The following ZNF462 variants were observed in gnomAD, a reference collection of about 807,000 sequenced individuals.
ZNF462 encodes the protein zinc finger protein 462, also known as zinc finger PBX1-interacting protein.
A neutral mutation model predicts 201.9 loss-of-function variants in ZNF462; 10 were observed. The observed-to-expected ratio is 0.05, with a 90% confidence interval of 0.03 to 0.08. The LOEUF (loss-of-function observed/expected upper bound fraction) is 0.08. Ranked by LOEUF, ZNF462 falls within the 10% of genes least tolerant of loss-of-function variation. The pLI is 1.00. For synonymous variants in ZNF462, 1,227 were observed against 1,193.3 expected (o/e 1.03, Z -0.58); for missense variants, 2,523 against 3,168.3 (o/e 0.80, Z 4.89).
chr9:106,937,087 T>C (rs908888591), intron 6 of ZNF462, among the ~76,000 whole-genome samples: 1 of 151,950 alleles, frequency 6.6e-6, no homozygotes, highest in East Asian at 1.9e-4. Context: ...TCTAGATAGA[T>C]TATTTTATTT....
chr9:106,900,097 GT>G (rs1828992740), intron 1 of ZNF462, among the ~76,000 whole-genome samples: 1 of 151,582 alleles, frequency 6.6e-6, no homozygotes. Flanking sequence ...ACGATGTTTG[GT>G]TTTCCATTCC....
rs183263970 is a variant in ZNF462 at position 106,890,547 on chromosome 9, C to A, written c.-31+27192C>A. 4.2e-4 allele frequency among the ~76,000 whole-genome samples: 64 copies of A among 152,296 alleles called. No individual in the cohort carries two copies. The highest frequency in any genetic ancestry group is 1.4e-3 in the African/African-American group (59 of 41,570). ...TTGGATGATGTAGTTAGGCTCAACT[C>A]CATTTGTAGTGAGAAACATTTGAAG... On this transcript the variant is annotated intron_variant, in intron 1 of 12. Coordinates refer to ENST00000277225, the MANE Select transcript of ZNF462 (RefSeq NM_021224.6). This position sits in a 1 kb window ranked among gnomAD's most constrained non-coding sequence, Gnocchi z 4.2.
intron 10 of ZNF462, among the ~76,000 whole-genome samples, chr9:106,985,100 G>A (rs906956064): frequency 1.2e-4 from 18 of 152,130 alleles, no homozygotes; most frequent in African/African-American, 4.3e-4. Flanking sequence ...GACAAAAAAA[G>A]AAAGAAAGCA....
intron 10 of ZNF462, among the ~76,000 whole-genome samples, chr9:106,994,152 G>A (rs1229696197): frequency 6.6e-6 from 1 of 151,980 alleles, no homozygotes; most frequent in Non-Finnish European, 1.5e-5. Flanking sequence ...GTCTATTCAG[G>A]CAATACACAT....
rs559147135 is a variant in ZNF462 at position 106,905,471 on chromosome 9, G to A, written c.-30-17883G>A. Among the ~76,000 whole-genome samples, 4 of 152,238 alleles carry A rather than the reference G, an allele frequency of 2.6e-5. No homozygotes were observed. Among genetic ancestry groups the A allele is most frequent in the African/African-American group, 4.8e-5 (2 of 41,542 alleles). The stretch of plus-strand genomic sequence containing the variant: ...GTGGAGAGAGACCAGAGGTGGGCGG[G>A]GCCCTAGAATCCCCAAGATTATATG... On this transcript the variant is annotated intron_variant, in intron 1 of 12. Coordinates refer to ENST00000277225, the MANE Select transcript of ZNF462 (RefSeq NM_021224.6). This position sits in a 1 kb window ranked among gnomAD's most constrained non-coding sequence, Gnocchi z 5.9.
At chr9:106,944,089 A>G (rs1831001215) in intron 7 of ZNF462, among the ~76,000 whole-genome samples, 1 of 152,210 alleles carries the variant, frequency 6.6e-6, no homozygotes. Context: ...TCAGAATGAT[A>G]TAGAAAGTAT....
chr9:106,952,163 A>G (rs535153786), intron 7 of ZNF462, among the ~76,000 whole-genome samples: 1 of 152,324 alleles, frequency 6.6e-6, no homozygotes, highest in South Asian at 2.1e-4. Flanking sequence ...AATGAAATGT[A>G]CAGCCTTAGG....
rs976347508 is a variant in ZNF462 at position 106,938,624 on chromosome 9, A to C, written c.6236-292A>C. Among the ~76,000 whole-genome samples the C allele has an allele frequency of 9.9e-5, 15 of 152,268 alleles. 1 individual carries two copies. The highest frequency in any genetic ancestry group is 7.7e-4 in the East Asian group (4 of 5,178). ...TTTTTCTAAAGGAGGTATCATGGGC[A>C]GTTGGGTTTGACTTCCTATTGGGGA... is the stretch of plus-strand genomic sequence containing the variant. On this transcript the variant is annotated intron_variant, in intron 6 of 12. Transcript: ENST00000277225. This position sits in a 1 kb window ranked among gnomAD's most constrained non-coding sequence, Gnocchi z 4.4.
At chr9:106,947,143 G>A (rs532876117) in intron 7 of ZNF462, among the ~76,000 whole-genome samples, 17 of 152,182 alleles carry the variant, frequency 1.1e-4, no homozygotes, top group Non-Finnish European at 1.9e-4. Context: ...GAAATGATAT[G>A]TTCCTGCCAT....
chr9:106,974,117 C>T lies in ZNF462; in HGVS notation c.6696-20C>T. 1.2e-6 allele frequency: 2 copies of T among 1,613,894 alleles called. No homozygotes were observed. The highest frequency in any genetic ancestry group is 1.7e-6 in the Non-Finnish European group (2 of 1,179,920). On this transcript the variant is annotated intron_variant, in intron 8 of 12. Transcript: ENST00000277225. The surrounding 1 kb of genome is among the most constrained non-coding windows in gnomAD (Gnocchi z 4.0). ...ATCCCTGGTTACACGCATCACCTCT[C>T]CTCCCAAACTCTCTCCTAGATCTGC...
upstream of ZNF462, among the ~76,000 whole-genome samples, chr9:106,860,954 C>A (rs1827049584): frequency 6.6e-6 from 1 of 152,044 alleles, no homozygotes; most frequent in South Asian, 2.1e-4. This position sits in a 1 kb window ranked among gnomAD's most constrained non-coding sequence, Gnocchi z 7.1. Flanking sequence ...TCTTTCTCTT[C>A]TCGGTGACTC....
intron 9 of ZNF462, among the ~76,000 whole-genome samples, chr9:106,983,742 G>A (rs1827619129): frequency 6.6e-6 from 1 of 152,196 alleles, no homozygotes; most frequent in African/African-American, 2.4e-5. Flanking sequence ...TAGGTGCCTG[G>A]TGAATGTCAG....
intron 7 of ZNF462, among the ~76,000 whole-genome samples, chr9:106,958,025 C>T (rs1321731441): frequency 2.0e-5 from 3 of 152,116 alleles, no homozygotes; most frequent in Non-Finnish European, 4.4e-5. Flanking sequence ...GTTAGATGAA[C>T]AGTTCAGATG....
Position 106,865,757 on chromosome 9 carries a change from C to G in ZNF462, c.-31+2402C>G, listed in dbSNP as rs1173775303. Among the ~76,000 whole-genome samples the G allele has an allele frequency of 6.6e-6, 1 of 152,180 alleles. No individual in the cohort carries two copies. The highest frequency in any genetic ancestry group is 1.5e-5 in the Non-Finnish European group (1 of 68,036). On this transcript the variant is annotated intron_variant, in intron 1 of 12. Coordinates refer to ENST00000277225, the MANE Select transcript of ZNF462 (RefSeq NM_021224.6). This position sits in a 1 kb window ranked among gnomAD's most constrained non-coding sequence, Gnocchi z 4.1. ...TTGAGAAAACCTTATGTCCAGGTATCTTCACCTTTTTAATTGGGAGGAATT... is the reference window on the plus strand; with the variant it reads ...TTGAGAAAACCTTATGTCCAGGTATGTTCACCTTTTTAATTGGGAGGAATT...
At position 106,877,296 on chromosome 9, in the gene ZNF462, A is replaced by ATTT. The variant is rs397893311; in HGVS notation, c.-31+13965_-31+13967dup. ...CACCTGTACAAGCAAACTACTCATG[A>ATTT]TTTTTTTTTTTTTTTTTTTTTTTTT... On this transcript the variant is annotated intron_variant, in intron 1 of 12. Coordinates refer to ENST00000277225, the MANE Select transcript of ZNF462 (RefSeq NM_021224.6). 2.0e-3 allele frequency among the ~76,000 whole-genome samples: 178 copies of ATTT among 91,220 alleles called. 4 individuals carry two copies. Among genetic ancestry groups the ATTT allele is most frequent in the South Asian group, 0.011 (29 of 2,548 alleles). 59.8% of individuals were successfully genotyped at this position (91,220 alleles called of 152,430 possible). A position where few individuals can be genotyped will look rare whatever the true frequency, so the allele number is the denominator to read the frequency against.
intron 1 of ZNF462, among the ~76,000 whole-genome samples, chr9:106,908,777 G>T: frequency 6.7e-6 from 1 of 149,668 alleles, no homozygotes; most frequent in East Asian, 2.0e-4. Flanking sequence ...CAAAGCTATA[G>T]TCTGTTTTTA....
In ZNF462 at chr9:106,929,123, C is replaced by T. The variant is rs757049518; in HGVS notation, c.5211C>T (p.Ser1737=). The change falls in exon 3 of 13, where the codon AGC becomes AGT. Residue 1737 remains serine (S), a synonymous_variant. Coordinates refer to ENST00000277225, the MANE Select transcript of ZNF462 (RefSeq NM_021224.6). The surrounding 1 kb of genome is among the most constrained non-coding windows in gnomAD (Gnocchi z 8.7). ...THCLAASRTI[S]DKPNKVIIPS... ...GCTTGGCAGCCTCCAGGACCATCAG[C>T]GACAAGCCCAACAAAGTGATCATCC... 3 of 1,614,144 alleles carry T rather than the reference C, an allele frequency of 1.9e-6. No individual in the cohort carries two copies. Among genetic ancestry groups the T allele is most frequent in the African/African-American group, 1.3e-5 (1 of 75,020 alleles).
chr9:106,906,330 A>G (rs879512884), intron 1 of ZNF462, among the ~76,000 whole-genome samples: 7 of 152,136 alleles, frequency 4.6e-5, no homozygotes, highest in African/African-American at 9.7e-5. Context: ...CTTGCAGTCA[A>G]TCTGGAGCTA....
rs755829616 is a variant in ZNF462 at position 107,008,806 on chromosome 9, AC to A, written c.7190-737del. On this transcript the variant is annotated intron_variant, in intron 11 of 12. Transcript: ENST00000277225. This position sits in a 1 kb window ranked among gnomAD's most constrained non-coding sequence, Gnocchi z 4.8. ...AGTCAATATTTGATGTTTACAACAGACCGTCCAGAAATGTCTGCATATCCCC... is the reference window on the plus strand; with the variant it reads ...AGTCAATATTTGATGTTTACAACAGACGTCCAGAAATGTCTGCATATCCCC... Among the ~76,000 whole-genome samples, 2 of 152,192 alleles carry A rather than the reference AC, an allele frequency of 1.3e-5. No homozygotes were observed. The highest frequency in any genetic ancestry group is 2.9e-5 in the Non-Finnish European group (2 of 68,030).
Sources: allele counts gnomAD v4.1 joint callset (sites outside exome capture counted in the v4.1 genomes callset), GRCh38; gene constraint gnomAD v4.1.1; non-coding constraint Gnocchi (gnomAD v3.1); transcripts MANE v1.5; gene names NCBI Gene and HGNC (gene_info 2026-07-23, HGNC 2026-07-21).